Variants in MAP2K5 observed in about 807,000 individuals in gnomAD.
MAP2K5 encodes dual specificity mitogen-activated protein kinase kinase 5.
MAP2K5 carries 49 observed loss-of-function variants against 83.1 expected under a neutral mutation model. That is an observed-to-expected ratio of 0.59 (90% CI 0.47 to 0.75). The LOEUF (loss-of-function observed/expected upper bound fraction) is 0.75. MAP2K5 is among the 30% of genes least tolerant of loss of function. The pLI, the probability that MAP2K5 is intolerant of heterozygous loss-of-function variation, is 0.00. For missense variants in MAP2K5, 457 were observed against 557.5 expected (o/e 0.82, Z 1.82); for synonymous variants, 202 against 191.8 (o/e 1.05, Z -0.44).
In MAP2K5 at chr15:67,790,563, A is replaced by C. The variant is rs1001023039; in HGVS notation, c.1243-16083A>C. Reference sequence around the variant, plus strand: ...TTTAGTTACATGGAATTCTAAACCCAGAAGTCTGCTCATTCTTGTTTTAAA... The same window carrying C: ...TTTAGTTACATGGAATTCTAAACCCCGAAGTCTGCTCATTCTTGTTTTAAA... On this transcript the variant is annotated intron_variant, in intron 21 of 21. Transcript: ENST00000178640. This position sits in a 1 kb window ranked among gnomAD's most constrained non-coding sequence, Gnocchi z 4.6. Among the ~76,000 whole-genome samples the C allele has an allele frequency of 6.6e-6, 1 of 152,192 alleles. No homozygotes were observed. The highest frequency in any genetic ancestry group is 1.5e-5 in the Non-Finnish European group (1 of 68,040).
intron 9 of MAP2K5, among the ~76,000 whole-genome samples, chr15:67,633,350 G>C (rs1409764927): frequency 6.6e-6 from 1 of 152,178 alleles, no homozygotes. Flanking sequence ...TTTACTCCAG[G>C]AGAGGGGAAC....
In MAP2K5 at chr15:67,786,511, A is replaced by G. The variant is rs1444985232; in HGVS notation, c.1242+13759A>G. Among the ~76,000 whole-genome samples the G allele has an allele frequency of 2.6e-5, 4 of 152,254 alleles. No homozygotes were observed. Among genetic ancestry groups the G allele is most frequent in the East Asian group, 3.9e-4 (2 of 5,192 alleles). On this transcript the variant is annotated intron_variant, in intron 21 of 21. Transcript: ENST00000178640. This position sits in a 1 kb window ranked among gnomAD's most constrained non-coding sequence, Gnocchi z 4.7. ...CCTATGTCTCAGGAGCAGACTAGAC[A>G]TGCCCATTGGCAACATTTAGAGAAG... is the stretch of plus-strand genomic sequence containing the variant.
intron 13 of MAP2K5, among the ~76,000 whole-genome samples, chr15:67,688,441 G>A (rs1160282480): frequency 1.3e-5 from 2 of 152,194 alleles, no homozygotes; most frequent in East Asian, 1.9e-4. Flanking sequence ...AGGAAGGGGT[G>A]CATATAGTCT....
intron 3 of MAP2K5, among the ~76,000 whole-genome samples, chr15:67,579,090 A>C (rs928501563): frequency 6.6e-6 from 1 of 152,262 alleles, no homozygotes; most frequent in Non-Finnish European, 1.5e-5. Context: ...CAGTACAAAA[A>C]GGCAGTAATT....
intron 3 of MAP2K5, among the ~76,000 whole-genome samples, chr15:67,566,615 G>T (rs2084845004): frequency 6.6e-6 from 1 of 152,094 alleles, no homozygotes. Context: ...TGATTACAAA[G>T]GTTAAGTAAA....
chr15:67,712,649 T>C (rs905983026), intron 16 of MAP2K5, among the ~76,000 whole-genome samples: 1 of 152,088 alleles, frequency 6.6e-6, no homozygotes, highest in African/African-American at 2.4e-5. Flanking sequence ...CCAGGTGCAG[T>C]GGCTCAAGCC....
intron 8 of MAP2K5, among the ~76,000 whole-genome samples, chr15:67,602,312 T>C (rs2085676454): frequency 6.6e-6 from 1 of 152,246 alleles, no homozygotes; most frequent in Non-Finnish European, 1.5e-5. Context: ...TTGAGTTCCC[T>C]GGAGGGAGCA....
intron 8 of MAP2K5, among the ~76,000 whole-genome samples, chr15:67,612,768 T>C (rs529701463): frequency 3.9e-5 from 6 of 152,148 alleles, no homozygotes; most frequent in Non-Finnish European, 7.4e-5. Flanking sequence ...AGTAAATAAA[T>C]GAATGGACAG....
At chr15:67,650,258 A>G (rs187105242) in intron 11 of MAP2K5, among the ~76,000 whole-genome samples, 138 of 152,324 alleles carry the variant, frequency 9.1e-4, no homozygotes, top group African/African-American at 3.2e-3. Context: ...AGATAATGCC[A>G]TCTGCAAATA....
intron 21 of MAP2K5, among the ~76,000 whole-genome samples, chr15:67,784,743 C>T (rs532997573): frequency 6.6e-5 from 10 of 152,348 alleles, no homozygotes; most frequent in Admixed American, 3.9e-4. Flanking sequence ...CAGAGTGTGT[C>T]CTGACAGCTG....
At chr15:67,697,690 A>G (rs2088300998) in intron 15 of MAP2K5, among the ~76,000 whole-genome samples, 1 of 152,188 alleles carries the variant, frequency 6.6e-6, no homozygotes, top group Non-Finnish European at 1.5e-5. Context: ...CGTATTAAGA[A>G]TCTTGCTTGT....
In MAP2K5 at chr15:67,802,710, G is replaced by A. The variant is rs372924957; in HGVS notation, c.1243-3936G>A. Among the ~76,000 whole-genome samples the A allele has an allele frequency of 6.6e-6, 1 of 152,220 alleles. No individual in the cohort carries two copies. The highest frequency in any genetic ancestry group is 2.4e-5 in the African/African-American group (1 of 41,444). ...GGACGGAGGCCTAGATGCCTGGGGC[G>A]GTCACCGTGGGTGGAAGATGCTCTT... On this transcript the variant is annotated intron_variant, in intron 21 of 21. Coordinates refer to ENST00000178640, the MANE Select transcript of MAP2K5 (RefSeq NM_145160.3). This position sits in a 1 kb window ranked among gnomAD's most constrained non-coding sequence, Gnocchi z 5.0.
Position 67,589,362 on chromosome 15 carries a change from T to C in MAP2K5, c.431+2449T>C, listed in dbSNP as rs1596607566. Among the ~76,000 whole-genome samples the C allele has an allele frequency of 2.6e-5, 4 of 152,372 alleles. No homozygotes were observed. In the East Asian group the frequency reaches 7.7e-4, roughly 29 times the overall value. Reference sequence around the variant, plus strand: ...CTCAAAGCATGGGTTGTTTTTTCTTTTGCCTTAGGTGAATAACTGTTTATT... The same window carrying C: ...CTCAAAGCATGGGTTGTTTTTTCTTCTGCCTTAGGTGAATAACTGTTTATT... On this transcript the variant is annotated intron_variant, in intron 6 of 21. Transcript: ENST00000178640.
intron 8 of MAP2K5, chr15:67,628,713 T>C (rs1407312047): frequency 9.8e-6 from 8 of 818,274 alleles, no homozygotes; most frequent in South Asian, 4.0e-5. Context: ...AAAGCCCTGT[T>C]AAAGCAAGAG....
intron 13 of MAP2K5, among the ~76,000 whole-genome samples, chr15:67,684,289 G>A (rs552623422): frequency 1.3e-5 from 2 of 152,312 alleles, no homozygotes; most frequent in East Asian, 1.9e-4. Context: ...CAATAATCCA[G>A]TGTAGAGAGG....
chr15:67,731,471 T>C (rs12050481), intron 17 of MAP2K5, among the ~76,000 whole-genome samples: 85,642 of 151,988 alleles, frequency 0.56, 24,863 homozygotes, highest in Non-Finnish European at 0.61. Flanking sequence ...TTTAGGCCTT[T>C]GGGTTGCATA....
intron 13 of MAP2K5, among the ~76,000 whole-genome samples, chr15:67,674,770 A>T (rs1567352804): frequency 1.3e-5 from 2 of 152,224 alleles, no homozygotes; most frequent in Admixed American, 1.3e-4. Flanking sequence ...AAAACAAACA[A>T]TCCAATTAGA....
chr15:67,757,295 T>A lies in MAP2K5; in HGVS notation c.1134+8694T>A, dbSNP rs1387157507. 6.6e-6 allele frequency among the ~76,000 whole-genome samples: 1 copy of A among 152,222 alleles called. No homozygotes were observed. Among genetic ancestry groups the A allele is most frequent in the Non-Finnish European group, 1.5e-5 (1 of 68,040 alleles). ...GTTTTTATTTGCATAAAAATAGTATTTCTAGAAGACATTTGCAAATCAGAT... is the reference window on the plus strand; with the variant it reads ...GTTTTTATTTGCATAAAAATAGTATATCTAGAAGACATTTGCAAATCAGAT... On this transcript the variant is annotated intron_variant, in intron 19 of 21. Transcript: ENST00000178640. The surrounding 1 kb of genome is among the most constrained non-coding windows in gnomAD (Gnocchi z 4.9).
In MAP2K5 at chr15:67,587,158, G is replaced by A. The variant is rs145927000; in HGVS notation, c.431+245G>A. Among the ~76,000 whole-genome samples, 165 of 152,302 alleles carry A rather than the reference G, an allele frequency of 1.1e-3. No individual in the cohort carries two copies. Among genetic ancestry groups the A allele is most frequent in the African/African-American group, 3.6e-3 (150 of 41,574 alleles). On this transcript the variant is annotated intron_variant, in intron 6 of 21. Transcript: ENST00000178640. The surrounding 1 kb of genome is among the most constrained non-coding windows in gnomAD (Gnocchi z 4.8). ...CAGAGAAGGGCGTTTCAGACGGAGG[G>A]AAGAGGGTAGGTGAAGGCCCTGAGG...
Sources: allele counts gnomAD v4.1 joint callset (sites outside exome capture counted in the v4.1 genomes callset), GRCh38; gene constraint gnomAD v4.1.1; non-coding constraint Gnocchi (gnomAD v3.1); transcripts MANE v1.5; gene names NCBI Gene and HGNC (gene_info 2026-07-23, HGNC 2026-07-21).